Variants in TJP1 observed in about 807,000 individuals in gnomAD.
The protein encoded by TJP1 is tight junction protein 1.
A neutral mutation model predicts 194.2 loss-of-function variants in TJP1; 43 were observed. That is an observed-to-expected ratio of 0.22 (90% CI 0.17 to 0.29). The LOEUF is 0.29. Among genes scored for constraint, TJP1 ranks in the 10% least tolerant of loss-of-function variants. The probability of loss-of-function intolerance (pLI) is 1.00; values close to 1 mark genes in which losing one functional copy is unlikely to be tolerated. For missense variants in TJP1, 1,971 were observed against 2,185.7 expected, an observed-to-expected ratio of 0.90 and a Z score of 1.96; for synonymous variants, 801 against 779.0, an observed-to-expected ratio of 1.03 and a Z score of -0.47.
At chr15:29,731,593 G>A (rs1268087029) in intron 15 of TJP1, among the ~76,000 whole-genome samples, 4 of 152,208 alleles carry the variant, frequency 2.6e-5, no homozygotes. Context: ...AATGTGAAAT[G>A]TCAACCCTCA....
intron 2 of TJP1, among the ~76,000 whole-genome samples, chr15:29,954,108 A>C (rs1211901107): frequency 1.3e-5 from 2 of 152,222 alleles, no homozygotes; most frequent in African/African-American, 4.8e-5. Context: ...CCTGGGTAGC[A>C]TTATTTTTTC....
At chr15:29,738,560 C>T (rs2044186582) in intron 10 of TJP1, among the ~76,000 whole-genome samples, 1 of 152,116 alleles carries the variant, frequency 6.6e-6, no homozygotes, top group African/African-American at 2.4e-5. Flanking sequence ...AGGTCTCTCA[C>T]TGGCTGGTGG....
chr15:29,958,273 A>T (rs1426205212), intron 1 of TJP1, among the ~76,000 whole-genome samples: 2 of 149,692 alleles, frequency 1.3e-5, no homozygotes, highest in African/African-American at 4.9e-5. Context: ...AAGTGTTCGA[A>T]GTCTCTCTCT....
intron 2 of TJP1, among the ~76,000 whole-genome samples, chr15:29,847,655 C>A (rs1012771046): frequency 2.0e-5 from 3 of 151,880 alleles, no homozygotes; most frequent in Non-Finnish European, 4.4e-5. Context: ...CGAGGTGGTG[C>A]GTGCCTGTAG....
At chr15:29,787,984 T>C (rs1194297745) in intron 2 of TJP1, among the ~76,000 whole-genome samples, 1 of 152,196 alleles carries the variant, frequency 6.6e-6, no homozygotes, top group African/African-American at 2.4e-5. Context: ...ACCTTTATTG[T>C]CTTTCTGAGT....
chr15:29,939,265 T>A (rs1020653429), intron 2 of TJP1, among the ~76,000 whole-genome samples: 6 of 152,190 alleles, frequency 3.9e-5, no homozygotes, highest in Admixed American at 1.3e-4. Context: ...TGACATACGA[T>A]CTTTTAGTCA....
intron 15 of TJP1, among the ~76,000 whole-genome samples, chr15:29,729,850 G>T (rs1439038799): frequency 6.6e-6 from 1 of 151,598 alleles, no homozygotes; most frequent in East Asian, 1.9e-4. Flanking sequence ...GTTACTGAGG[G>T]TCATATAGTG....
rs1180804712 is a variant in TJP1, at chr15:29,762,386, A to G, written c.642T>C (p.Asp214=). The G allele has an allele frequency of 7.4e-6, 12 of 1,613,658 alleles. No individual in the cohort carries two copies. The highest frequency in any genetic ancestry group is 1.3e-5 in the African/African-American group (1 of 74,934). The change falls in exon 6 of 28, where the codon GAT becomes GAC. Residue 214 remains aspartate, a synonymous_variant. Coordinates refer to ENST00000614355, the MANE Select transcript of TJP1 (RefSeq NM_001330239.4). ...SHIFVKEISQ[D]SLAARDGNIQ... is the part of the protein sequence containing the mutation. ...TATTGCCATCTCTTGCTGCCAAACT[A>G]TCTTGTGAAATTTCCTTAACAAATA...
intron 2 of TJP1, among the ~76,000 whole-genome samples, chr15:29,868,026 C>A (rs1484479275): frequency 6.9e-6 from 1 of 144,896 alleles, no homozygotes. Flanking sequence ...CCACTGCACT[C>A]CAGCTTGGGT....
intron 18 of TJP1, among the ~76,000 whole-genome samples, chr15:29,721,847 T>A (rs2042947496): frequency 6.6e-6 from 1 of 152,240 alleles, no homozygotes; most frequent in Admixed American, 6.5e-5. Context: ...TCATTCTTGC[T>A]ATGCTTTAGC....
intron 2 of TJP1, among the ~76,000 whole-genome samples, chr15:29,788,038 T>C (rs2047814928): frequency 6.6e-6 from 1 of 152,228 alleles, no homozygotes; most frequent in South Asian, 2.1e-4. Context: ...ACTATACTTT[T>C]TGATATACAT....
At chr15:29,851,784 A>G (rs2051651034) in intron 2 of TJP1, among the ~76,000 whole-genome samples, 1 of 152,250 alleles carries the variant, frequency 6.6e-6, no homozygotes, top group Admixed American at 6.5e-5. Context: ...ATCCTATGCA[A>G]ATATGCCTGG....
At chr15:29,950,386 C>T (rs1481915902) in intron 2 of TJP1, among the ~76,000 whole-genome samples, 2 of 151,396 alleles carry the variant, frequency 1.3e-5, no homozygotes, top group Admixed American at 6.6e-5. Flanking sequence ...CTACCTCCAC[C>T]ACCATAACCA....
intron 2 of TJP1, among the ~76,000 whole-genome samples, chr15:29,883,037 G>GA (rs1567163825): frequency 3.3e-5 from 5 of 151,966 alleles, no homozygotes; most frequent in African/African-American, 4.8e-5. Flanking sequence ...TAATTAACAG[G>GA]GAAAAAAATG....
intron 23 of TJP1, among the ~76,000 whole-genome samples, chr15:29,711,299 T>C (rs12906431): frequency 1 from 152,159 of 152,336 alleles, 75,991 homozygotes; most frequent in Non-Finnish European, 1. Flanking sequence ...AAGATAGTAA[T>C]GTTGACAGAT....
intron 8 of TJP1, among the ~76,000 whole-genome samples, chr15:29,749,095 TC>T (rs1402153858): frequency 2.0e-5 from 3 of 152,002 alleles, no homozygotes; most frequent in African/African-American, 7.2e-5. Context: ...TACCTCAAGA[TC>T]CTCTTATGGG....
chr15:29,779,617 T>C (rs1242029797), intron 2 of TJP1, among the ~76,000 whole-genome samples: 3 of 152,234 alleles, frequency 2.0e-5, no homozygotes, highest in Admixed American at 6.5e-5. Context: ...TTCACGAAGT[T>C]AGTGAACCTC....
intron 1 of TJP1, among the ~76,000 whole-genome samples, chr15:29,808,794 C>A (rs2049286889): frequency 6.6e-6 from 1 of 151,730 alleles, no homozygotes; most frequent in Admixed American, 6.6e-5. Context: ...TGAATATCAT[C>A]ATTTTGTAAC....
chr15:29,773,744 C>A (rs1206289030), intron 2 of TJP1, among the ~76,000 whole-genome samples: 1 of 152,182 alleles, frequency 6.6e-6, no homozygotes, highest in East Asian at 1.9e-4. Flanking sequence ...AGCATACACA[C>A]CCTTTGTCAT....
Sources: allele counts gnomAD v4.1 joint callset (sites outside exome capture counted in the v4.1 genomes callset), GRCh38; gene constraint gnomAD v4.1.1; transcripts MANE v1.5; gene names NCBI Gene and HGNC (gene_info 2026-07-23, HGNC 2026-07-21).